The following KIF26B variants were observed in gnomAD, a reference collection of about 807,000 sequenced individuals.
KIF26B encodes kinesin-like protein KIF26B.
In KIF26B, 63 loss-of-function variants were observed where a neutral mutation model predicts 151.2. The observed-to-expected ratio is 0.42, with a 90% confidence interval of 0.34 to 0.51. The LOEUF (loss-of-function observed/expected upper bound fraction) is 0.51. Ranked by LOEUF, KIF26B falls within the 20% of genes least tolerant of loss-of-function variation. The pLI, the probability that KIF26B is intolerant of heterozygous loss-of-function variation, is 0.07. For missense variants in KIF26B, 2,813 were observed against 2,913.6 expected (o/e 0.97, Z 0.79); for synonymous variants, 1,357 against 1,262.1 (o/e 1.08, Z -1.59).
chr1:245,467,616 C>T (rs556632443), intron 4 of KIF26B, among the ~76,000 whole-genome samples: 27 of 152,240 alleles, frequency 1.8e-4, no homozygotes, highest in African/African-American at 5.8e-4. Flanking sequence ...GGTTGGAGGC[C>T]GGGCGCGGTG....
At chr1:245,696,972 G>A (rs920698974) in intron 12 of KIF26B, among the ~76,000 whole-genome samples, 12 of 152,146 alleles carry the variant, frequency 7.9e-5, no homozygotes, top group African/African-American at 2.7e-4. Flanking sequence ...TTAGCCGTGC[G>A]TGGTAGCGGG....
At chr1:245,274,520 C>A (rs1670907351) in intron 2 of KIF26B, among the ~76,000 whole-genome samples, 1 of 152,136 alleles carries the variant, frequency 6.6e-6, no homozygotes, top group Admixed American at 6.5e-5. Flanking sequence ...TGATGGTTTC[C>A]AGCTTCATCC....
intron 12 of KIF26B, among the ~76,000 whole-genome samples, chr1:245,697,258 C>T (rs2044707486): frequency 6.6e-6 from 1 of 152,178 alleles, no homozygotes; most frequent in Non-Finnish European, 1.5e-5. Context: ...ACGTCAGTCC[C>T]CTGTACCATG....
At chr1:245,463,240 C>T (rs190592170) in intron 4 of KIF26B, among the ~76,000 whole-genome samples, 211 of 152,314 alleles carry the variant, frequency 1.4e-3, no homozygotes, top group Middle Eastern at 6.8e-3. Context: ...CCAATCCTCA[C>T]GTCAATCCCA....
intron 8 of KIF26B, among the ~76,000 whole-genome samples, chr1:245,610,692 G>A (rs10924251): frequency 0.44 from 67,172 of 152,058 alleles, 15,235 homozygotes; most frequent in East Asian, 0.66. Context: ...GGGGTGAAAA[G>A]TCTGGTTAAA....
intron 9 of KIF26B, among the ~76,000 whole-genome samples, chr1:245,613,970 C>A (rs1297869389): frequency 2.0e-5 from 3 of 152,180 alleles, no homozygotes; most frequent in African/African-American, 7.2e-5. Flanking sequence ...TGACCTCTAG[C>A]CCCTGGCAAC....
intron 3 of KIF26B, among the ~76,000 whole-genome samples, chr1:245,400,850 C>T (rs1673982437): frequency 6.6e-6 from 1 of 151,794 alleles, no homozygotes; most frequent in South Asian, 2.1e-4. Flanking sequence ...ATTTGTGGCT[C>T]CCATTATATT....
chr1:245,521,302 A>G (rs1166495236), intron 4 of KIF26B, among the ~76,000 whole-genome samples: 10 of 151,528 alleles, frequency 6.6e-5, no homozygotes, highest in South Asian at 4.2e-4. Context: ...GCACCACTGC[A>G]CTCCATCCAG....
Position 245,239,967 on chromosome 1 carries a change from G to C in KIF26B, c.465+83284G>C, listed in dbSNP as rs1365650745. On this transcript the variant is annotated intron_variant, in intron 2 of 14. Transcript: ENST00000407071. This position sits in a 1 kb window ranked among gnomAD's most constrained non-coding sequence, Gnocchi z 4.3. Reference sequence around the variant, plus strand: ...GAGGCGGGCGGATCACTTGAGGTCAGGAGTTTGAGACCAGCCTGGGAAACA... The same window carrying C: ...GAGGCGGGCGGATCACTTGAGGTCACGAGTTTGAGACCAGCCTGGGAAACA... 6.6e-6 allele frequency among the ~76,000 whole-genome samples: 1 copy of C among 151,982 alleles called. No homozygotes were observed. Among genetic ancestry groups the C allele is most frequent in the Non-Finnish European group, 1.5e-5 (1 of 67,980 alleles).
chr1:245,562,687 T>C (rs1315794011), intron 5 of KIF26B, among the ~76,000 whole-genome samples: 1 of 151,288 alleles, frequency 6.6e-6, no homozygotes, highest in Non-Finnish European at 1.5e-5. Flanking sequence ...CCTTCCTTTG[T>C]ATAGAATCTG....
intron 4 of KIF26B, among the ~76,000 whole-genome samples, chr1:245,480,955 T>A (rs942241223): frequency 6.0e-5 from 9 of 151,144 alleles, no homozygotes; most frequent in African/African-American, 2.2e-4. Context: ...GTTGGTTGAT[T>A]CAAACTTTCC....
At chr1:245,544,084 G>C (rs1047761793) in intron 5 of KIF26B, among the ~76,000 whole-genome samples, 1 of 152,074 alleles carries the variant, frequency 6.6e-6, no homozygotes, top group Non-Finnish European at 1.5e-5. Context: ...TGACCTCAGC[G>C]AAGGCCCATC....
chr1:245,630,268 A>C (rs1057354818), intron 9 of KIF26B, among the ~76,000 whole-genome samples: 1 of 152,216 alleles, frequency 6.6e-6, no homozygotes, highest in African/African-American at 2.4e-5. Flanking sequence ...TTCTACTACA[A>C]AGACACATGC....
intron 4 of KIF26B, among the ~76,000 whole-genome samples, chr1:245,511,596 GTT>G (rs1558193851): frequency 6.6e-6 from 1 of 152,162 alleles, no homozygotes; most frequent in Admixed American, 6.5e-5. Context: ...TTGTTTGTTT[GTT>G]TGTTTGTTTG....
At chr1:245,685,300 A>T in intron 11 of KIF26B, 105 bp from the exon 12 acceptor site, 1 of 971,544 alleles carries the variant, frequency 1.0e-6, no homozygotes, top group Non-Finnish European at 1.5e-6. Flanking sequence ...GGTGGCTGTC[A>T]GTAGCCTGTG....
chr1:245,530,879 G>A (rs569217671), intron 4 of KIF26B, among the ~76,000 whole-genome samples: 1 of 152,318 alleles, frequency 6.6e-6, no homozygotes, highest in South Asian at 2.1e-4. Flanking sequence ...TGATTGCATA[G>A]TTCTTTGTCT....
chr1:245,368,515 C>T (rs555430406), intron 3 of KIF26B, among the ~76,000 whole-genome samples: 2 of 152,234 alleles, frequency 1.3e-5, no homozygotes, highest in South Asian at 2.1e-4. Flanking sequence ...GGCTTTTTCT[C>T]ACTTGGGTCT....
chr1:245,484,786 T>TATTATTATTATTATTATC (rs1553278706), intron 4 of KIF26B, among the ~76,000 whole-genome samples: 1 of 150,534 alleles, frequency 6.6e-6, no homozygotes, highest in East Asian at 1.9e-4. Flanking sequence ...TTATTATTAT[T>TATTATTATTATTATTATC]ATTATTATTC....
intron 2 of KIF26B, among the ~76,000 whole-genome samples, chr1:245,202,097 C>T (rs1669309910): frequency 1.3e-5 from 2 of 152,184 alleles, no homozygotes; most frequent in African/African-American, 2.4e-5. Context: ...ATCCCATTTT[C>T]GAGGACTTGG....
Sources: allele counts gnomAD v4.1 joint callset (sites outside exome capture counted in the v4.1 genomes callset), GRCh38; gene constraint gnomAD v4.1.1; non-coding constraint Gnocchi (gnomAD v3.1); transcripts MANE v1.5; gene names NCBI Gene and HGNC (gene_info 2026-07-23, HGNC 2026-07-21).